The following SMIM14 variants were observed in gnomAD, a reference collection of about 807,000 sequenced individuals.
SMIM14 encodes the protein chromosome 4 open reading frame 34.
Under a neutral mutation model 12.6 loss-of-function variants are expected in SMIM14, and 5 were observed. The ratio of observed to expected loss-of-function variants is 0.40; its 90% CI spans 0.21 to 0.83. SMIM14 has a LOEUF of 0.83. Ranked by LOEUF, SMIM14 falls within the 40% of genes least tolerant of loss-of-function variation. SMIM14 has a pLI of 0.37. For synonymous variants in SMIM14, 30 were observed against 40.1 expected, an observed-to-expected ratio of 0.75 and a Z score of 0.95; for missense variants, 86 against 119.1, an observed-to-expected ratio of 0.72 and a Z score of 1.29.
intron 1 of SMIM14, among the ~76,000 whole-genome samples, chr4:39,630,338 C>T (rs1715854124): frequency 6.6e-6 from 1 of 152,040 alleles, no homozygotes; most frequent in African/African-American, 2.4e-5. Flanking sequence ...CCCAGGAGTT[C>T]AAGGCTACCG....
intron 3 of SMIM14, among the ~76,000 whole-genome samples, chr4:39,567,652 G>A (rs192823397): frequency 3.3e-5 from 5 of 151,968 alleles, no homozygotes; most frequent in Admixed American, 2.0e-4. Flanking sequence ...CAGGAGAATC[G>A]CTTGAACCTG....
chr4:39,619,900 T>A, intron 1 of SMIM14, among the ~76,000 whole-genome samples: 1 of 139,276 alleles, frequency 7.2e-6, no homozygotes, highest in Admixed American at 7.7e-5. Context: ...AAGAGCAAGA[T>A]AGGGACTCAC....
chr4:39,627,958 A>G (rs1416205183), intron 1 of SMIM14, among the ~76,000 whole-genome samples: 1 of 152,118 alleles, frequency 6.6e-6, no homozygotes, highest in African/African-American at 2.4e-5. Flanking sequence ...TAAAATTTCC[A>G]CCCAAGAGGG....
chr4:39,561,213 G>C (rs1215341492), intron 3 of SMIM14, among the ~76,000 whole-genome samples: 1 of 152,108 alleles, frequency 6.6e-6, no homozygotes, highest in African/African-American at 2.4e-5. Context: ...CATTTCCTTT[G>C]AGCATCATGT....
rs1323658554 is a variant in SMIM14, at chr4:39,638,728, G to A, written c.-36+11C>T. 5 of 985,292 alleles carry A rather than the reference G, an allele frequency of 5.1e-6. No homozygotes were observed. Among genetic ancestry groups the A allele is most frequent in the Non-Finnish European group, 6.0e-6 (5 of 829,986 alleles). The allele number at this position is 985,292 out of a possible 1,614,324, so 61.0% of individuals were successfully genotyped here. A position where few individuals can be genotyped will look rare whatever the true frequency, so the allele number is the denominator to read the frequency against. ...CCAGCAAACGCTGGTGGGAGAGGGG[G>A]AGACACTCACCCGCCCAGACAACAA... On this transcript the variant is annotated intron_variant, in intron 1 of 4. Coordinates refer to ENST00000295958, the MANE Select transcript of SMIM14 (RefSeq NM_174921.3).
intron 1 of SMIM14, among the ~76,000 whole-genome samples, chr4:39,636,518 C>A (rs956637166): frequency 2.0e-5 from 3 of 152,186 alleles, no homozygotes; most frequent in African/African-American, 4.8e-5. Flanking sequence ...AGAAGTCCCC[C>A]ATTATCCACA....
chr4:39,584,807 AAAAAG>A (rs1713707640), intron 2 of SMIM14, among the ~76,000 whole-genome samples: 5 of 150,268 alleles, frequency 3.3e-5, no homozygotes, highest in Admixed American at 6.7e-5. Flanking sequence ...AAAAAAAAAA[AAAAAG>A]AAAAAAGAAA....
At chr4:39,605,657 G>A (rs149069563) in intron 1 of SMIM14, among the ~76,000 whole-genome samples, 319 of 152,308 alleles carry the variant, frequency 2.1e-3, no homozygotes, top group Middle Eastern at 6.8e-3. Flanking sequence ...GGTCAAGATG[G>A]AGTATTGGCA....
intron 2 of SMIM14, among the ~76,000 whole-genome samples, chr4:39,601,816 G>A (rs1046801328): frequency 6.6e-6 from 1 of 151,878 alleles, no homozygotes; most frequent in Non-Finnish European, 1.5e-5. Context: ...GCATGGTGGT[G>A]CATGCCTGTA....
chr4:39,592,029 CAA>C (rs35570878), intron 2 of SMIM14, among the ~76,000 whole-genome samples: 9 of 150,230 alleles, frequency 6.0e-5, no homozygotes, highest in African/African-American at 2.2e-4. Context: ...CCCATCTCTA[CAA>C]AAAAAAATAC....
At chr4:39,587,889 C>A (rs1713865159) in intron 2 of SMIM14, 1 of 152,302 alleles carries the variant, frequency 6.6e-6, no homozygotes, top group African/African-American at 2.4e-5. Context: ...TGACTTCTTA[C>A]ACTAAGTTCT....
At chr4:39,555,136 T>G (rs1005751163) in intron 4 of SMIM14, among the ~76,000 whole-genome samples, 1 of 149,074 alleles carries the variant, frequency 6.7e-6, no homozygotes, top group African/African-American at 2.5e-5. Context: ...GCGCCCGGCC[T>G]CATGGAAATA....
chr4:39,616,508 A>G (rs771806800), intron 1 of SMIM14, among the ~76,000 whole-genome samples: 15 of 152,142 alleles, frequency 9.9e-5, no homozygotes, highest in Non-Finnish European at 2.1e-4. Flanking sequence ...AACTGAAAGC[A>G]TGATTTGGAA....
chr4:39,596,297 G>A (rs1056170998), intron 2 of SMIM14, among the ~76,000 whole-genome samples: 1 of 152,144 alleles, frequency 6.6e-6, no homozygotes, highest in African/African-American at 2.4e-5. Flanking sequence ...GTTTCTCCAT[G>A]TTAGTCAGGC....
At position 39,629,193 on chromosome 4, in the gene SMIM14, T is replaced by C. The variant is rs191990157; in HGVS notation, c.-36+9546A>G. Among the ~76,000 whole-genome samples the C allele has an allele frequency of 4.6e-5, 7 of 151,264 alleles. No individual in the cohort carries two copies. The East Asian group carries it at 1.4e-3, about 30-fold the overall frequency. ...CCGGCTAACATGGTGGAAACCCATATCTACTAAAAATACAAAAATCAGCTG... is the reference window on the plus strand; with the variant it reads ...CCGGCTAACATGGTGGAAACCCATACCTACTAAAAATACAAAAATCAGCTG... On this transcript the variant is annotated intron_variant, in intron 1 of 4. Coordinates refer to ENST00000295958, the MANE Select transcript of SMIM14 (RefSeq NM_174921.3).
chr4:39,576,660 G>GTGTATATATA lies in SMIM14; in HGVS notation c.76-4198_76-4197insTATATATACA, dbSNP rs1339477098. Among the ~76,000 whole-genome samples, 9 of 72,376 alleles carry GTGTATATATA rather than the reference G, an allele frequency of 1.2e-4. 1 individual carries two copies. The South Asian group carries it at 3.8e-3, about 31-fold the overall frequency. 47.5% of individuals were successfully genotyped at this position (72,376 alleles called of 152,430 possible). ...CTTATACCTATGTGTGTGTGTATGT[G>GTGTATATATA]TATATATATATATATATATATATAT... On this transcript the variant is annotated intron_variant, in intron 2 of 4. Transcript: ENST00000295958.
intron 1 of SMIM14, among the ~76,000 whole-genome samples, chr4:39,619,747 T>TAATTTATTATATATATATCAATAAATAA (rs1560307161): frequency 9.9e-5 from 4 of 40,584 alleles, no homozygotes; most frequent in Non-Finnish European, 2.4e-4. Context: ...TCAATAAATA[T>TAATTTATTATATATATATCAATAAATAA]AATTTATTAT....
At chr4:39,609,008 G>C (rs2110062277) in intron 1 of SMIM14, among the ~76,000 whole-genome samples, 1 of 152,228 alleles carries the variant, frequency 6.6e-6, no homozygotes, top group African/African-American at 2.4e-5. Flanking sequence ...ATGGAGTCTT[G>C]CTCTGTCACC....
chr4:39,584,096 G>A (rs1031332358), intron 2 of SMIM14: 7 of 151,934 alleles, frequency 4.6e-5, no homozygotes, highest in African/African-American at 1.5e-4. Context: ...CTCTGCAGAA[G>A]CCCAGTGTTT....
Sources: allele counts gnomAD v4.1 joint callset (sites outside exome capture counted in the v4.1 genomes callset), GRCh38; gene constraint gnomAD v4.1.1; transcripts MANE v1.5; gene names NCBI Gene and HGNC (gene_info 2026-07-23, HGNC 2026-07-21).